Variants in ADRA1A observed in about 807,000 individuals in gnomAD.
ADRA1A encodes the protein adrenoceptor alpha 1A, also known as alpha-1A adrenergic receptor.
In ADRA1A, 31 loss-of-function variants were observed where a neutral mutation model predicts 29.6. That is an observed-to-expected ratio of 1.05 (90% CI 0.79 to 1.41). ADRA1A has a LOEUF of 1.41. Ranked by LOEUF, ADRA1A falls within the 40% of genes most tolerant of loss-of-function variation. ADRA1A has a pLI of 0.00. For synonymous variants in ADRA1A, 311 were observed against 254.3 expected (o/e 1.22, Z -2.12); for missense variants, 619 against 601.1 (o/e 1.03, Z -0.31).
intron 2 of ADRA1A, among the ~76,000 whole-genome samples, chr8:26,795,947 T>C (rs924942245): frequency 3.9e-5 from 6 of 152,272 alleles, no homozygotes; most frequent in Admixed American, 6.5e-5. Context: ...GGACCTGATT[T>C]GGATCTCAAT....
At chr8:26,791,223 C>T (rs1807807136) in intron 2 of ADRA1A, among the ~76,000 whole-genome samples, 2 of 152,200 alleles carry the variant, frequency 1.3e-5, no homozygotes, top group South Asian at 4.1e-4. Context: ...TCTACTTCTG[C>T]TAATTTGAAT....
intron 2 of ADRA1A, among the ~76,000 whole-genome samples, chr8:26,824,610 C>A (rs745586953): frequency 6.6e-6 from 1 of 152,288 alleles, no homozygotes; most frequent in East Asian, 1.9e-4. Context: ...TGCCCCTCCC[C>A]CTTCCTCCCT....
intron 2 of ADRA1A, among the ~76,000 whole-genome samples, chr8:26,751,026 G>A (rs542068073): frequency 1.6e-3 from 237 of 150,318 alleles, no homozygotes; most frequent in African/African-American, 5.6e-3. Flanking sequence ...CCGAGATTGT[G>A]CTATTGCACT....
intron 2 of ADRA1A, among the ~76,000 whole-genome samples, chr8:26,785,671 C>T (rs945560497): frequency 7.2e-5 from 11 of 152,040 alleles, no homozygotes; most frequent in African/African-American, 2.4e-4. Flanking sequence ...AGCCATCAAG[C>T]GAGTGGCTTC....
In ADRA1A at chr8:26,768,942, C is replaced by G. The variant is rs912098747; in HGVS notation, c.*1207G>C. ...CTGGATCTTTTACCAGAACAAATGG[C>G]CTTCTATCAAAAAATGTTTGCAAAC... On this transcript the variant is annotated 3_prime_UTR_variant, in exon 3 of 3. Transcript: ENST00000380573. 18 of 985,374 alleles carry G rather than the reference C, an allele frequency of 1.8e-5. No individual in the cohort carries two copies. The South Asian group carries it at 8.5e-4, about 46-fold the overall frequency. The allele number at this position is 985,374 out of a possible 1,614,324, so 61.0% of individuals were successfully genotyped here. A position where few individuals can be genotyped will look rare whatever the true frequency, so the allele number is the denominator to read the frequency against.
At chr8:26,797,565 C>T (rs562587164) in intron 2 of ADRA1A, among the ~76,000 whole-genome samples, 2 of 152,204 alleles carry the variant, frequency 1.3e-5, no homozygotes, top group South Asian at 4.1e-4. Context: ...TCCCAAAGTG[C>T]TGAGATTACA....
intron 2 of ADRA1A, among the ~76,000 whole-genome samples, chr8:26,827,733 C>A (rs1374388557): frequency 6.6e-6 from 1 of 152,052 alleles, no homozygotes; most frequent in African/African-American, 2.4e-5. Context: ...CAAACATCAG[C>A]GCTCTGCCCT....
At position 26,794,568 on chromosome 8, in the gene ADRA1A, T is replaced by C. The variant is rs1009072564; in HGVS notation, c.884-23902A>G. ...GTGTGACTGTGTTTTAACAAAACTT[T>C]ATTTGTGAACACTAAAATTTGAATT... is the stretch of plus-strand genomic sequence containing the variant. On this transcript the variant is annotated intron_variant, in intron 2 of 2. Coordinates refer to ENST00000380573, the MANE Select transcript of ADRA1A (RefSeq NM_000680.4). 1.4e-4 allele frequency among the ~76,000 whole-genome samples: 22 copies of C among 152,258 alleles called. No homozygotes were observed. In the South Asian group the frequency reaches 1.4e-3, roughly 10 times the overall value.
chr8:26,865,229 C>T lies in ADRA1A; in HGVS notation c.-260G>A, dbSNP rs1372721443. On this transcript the variant is annotated 5_prime_UTR_variant, in exon 2 of 3. The change creates a new upstream start codon in the 5' untranslated region. Transcript: ENST00000380573. The surrounding 1 kb of genome is among the most constrained non-coding windows in gnomAD (Gnocchi z 7.6). ...GCGGGGCTGCCGGGGACCCTCTCCA[C>T]CTGCCGGGCTGGCCTAGCCCGGGAC... The T allele has an allele frequency of 7.5e-6, 10 of 1,328,606 alleles. No individual in the cohort carries two copies. Among genetic ancestry groups the T allele is most frequent in the South Asian group, 5.5e-5 (3 of 54,472 alleles). The allele number at this position is 1,328,606 out of a possible 1,614,324, so 82.3% of individuals were successfully genotyped here. A position where few individuals can be genotyped will look rare whatever the true frequency, so the allele number is the denominator to read the frequency against.
chr8:26,837,144 G>GAA (rs35647991), intron 2 of ADRA1A, among the ~76,000 whole-genome samples: 23 of 146,534 alleles, frequency 1.6e-4, no homozygotes, highest in Non-Finnish European at 2.3e-4. Flanking sequence ...CTTGTCAATA[G>GAA]AAAAAAAAAA....
intron 2 of ADRA1A, 38 bp from the exon 3 acceptor site, chr8:26,770,704 A>C: frequency 6.5e-7 from 1 of 1,544,228 alleles, no homozygotes; most frequent in Non-Finnish European, 8.7e-7. Flanking sequence ...TATTATTTGA[A>C]AGCCAGCAAG....
At position 26,825,769 on chromosome 8, in the gene ADRA1A, C is replaced by G. The variant is rs187086210; in HGVS notation, c.883+38318G>C. On this transcript the variant is annotated intron_variant, in intron 2 of 2. Coordinates refer to ENST00000380573, the MANE Select transcript of ADRA1A (RefSeq NM_000680.4). The surrounding 1 kb of genome is among the most constrained non-coding windows in gnomAD (Gnocchi z 5.7). ...TTAACAATCCTTAAGGAACAGTCTC[C>G]CTTGTATCCTGCGGGCATTCTGGTT... 8.7e-4 allele frequency among the ~76,000 whole-genome samples: 132 copies of G among 152,294 alleles called. No homozygotes were observed. In the Middle Eastern group the frequency reaches 0.02, roughly 24 times the overall value.
rs373906244 is a variant in ADRA1A, at chr8:26,770,452, G to T, written c.1098C>A (p.Ala366=). Reference sequence around the variant, plus strand: ...CCATGTCCTTGTGTTGCCCTTCCACGGCCTGGCTGGGCGGGTGCAGGGTGT... The same window carrying T: ...CCATGTCCTTGTGTTGCCCTTCCACTGCCTGGCTGGGCGGGTGCAGGGTGT... ...LGYTLHPPSQ[A]VEGQHKDMVR... Residue 366 remains alanine, a synonymous_variant, in exon 3 of 3, where the codon GCC becomes GCA. Coordinates refer to ENST00000380573, the MANE Select transcript of ADRA1A (RefSeq NM_000680.4). 2 of 1,614,058 alleles carry T rather than the reference G, an allele frequency of 1.2e-6. No homozygotes were observed. Among genetic ancestry groups the T allele is most frequent in the Admixed American group, 1.7e-5 (1 of 60,004 alleles).
chr8:26,769,772 A>T lies in ADRA1A; in HGVS notation c.*377T>A. The T allele has an allele frequency of 1.0e-6, 1 of 999,598 alleles. No homozygotes were observed. 61.9% of individuals were successfully genotyped at this position (999,598 alleles called of 1,614,324 possible). A position where few individuals can be genotyped will look rare whatever the true frequency, so the allele number is the denominator to read the frequency against. ...TAAAATCCCCTCACTTCCATCAAGA[A>T]ATAGCTCCAAACTTAGAGTGTGTGC... is the stretch of plus-strand genomic sequence containing the variant. On this transcript the variant is annotated 3_prime_UTR_variant, in exon 3 of 3. Transcript: ENST00000380573.
chr8:26,772,145 AT>A (rs1307002154), intron 2 of ADRA1A: 1 of 146,170 alleles, frequency 6.8e-6, no homozygotes, highest in Non-Finnish European at 1.5e-5. Context: ...GAGTAAACCT[AT>A]TTTATAACAC....
downstream of ADRA1A, among the ~76,000 whole-genome samples, chr8:26,761,777 C>T (rs1320494746): frequency 2.0e-5 from 3 of 152,190 alleles, no homozygotes; most frequent in East Asian, 3.9e-4. Context: ...CAGGAGCATA[C>T]TCGTTGGGAG....
chr8:26,796,093 T>C lies in ADRA1A; in HGVS notation c.884-25427A>G, dbSNP rs1423712535. Among the ~76,000 whole-genome samples the C allele has an allele frequency of 6.6e-6, 1 of 152,118 alleles. No individual in the cohort carries two copies. ...AAAAAGAGTAATGTTTAGAAGTAAA[T>C]AGTAAAATATTTACAGATGAAATGA... On this transcript the variant is annotated intron_variant, in intron 2 of 2. Coordinates refer to ENST00000380573, the MANE Select transcript of ADRA1A (RefSeq NM_000680.4). This position sits in a 1 kb window ranked among gnomAD's most constrained non-coding sequence, Gnocchi z 5.0.
rs980154305 is a variant in ADRA1A at position 26,806,215 on chromosome 8, G to A, written c.884-35549C>T. 3.3e-5 allele frequency among the ~76,000 whole-genome samples: 5 copies of A among 152,280 alleles called. No homozygotes were observed. In the East Asian group the frequency reaches 7.7e-4, roughly 24 times the overall value. Reference sequence around the variant, plus strand: ...TTTTAACTGGGTTGCAATTCATGCAGCCTCCTAACTGCAAAATCACTTCCC... The same window carrying A: ...TTTTAACTGGGTTGCAATTCATGCAACCTCCTAACTGCAAAATCACTTCCC... On this transcript the variant is annotated intron_variant, in intron 2 of 2. Transcript: ENST00000380573. The surrounding 1 kb of genome is among the most constrained non-coding windows in gnomAD (Gnocchi z 4.6).
intron 2 of ADRA1A, among the ~76,000 whole-genome samples, chr8:26,838,793 A>C (rs1208766485): frequency 1.3e-5 from 2 of 152,224 alleles, no homozygotes; most frequent in African/African-American, 2.4e-5. Context: ...TTGGCCTTAG[A>C]TGTGGATCCA....
Sources: gnomAD v4.1 joint callset for allele counts (sites outside exome capture counted in the v4.1 genomes callset) on GRCh38, gnomAD v4.1.1 for gene constraint, Gnocchi (gnomAD v3.1) non-coding constraint, MANE v1.5 for transcripts, NCBI Gene and HGNC (gene_info 2026-07-23, HGNC 2026-07-21) for gene names.